IL1RAPL1: variants seen among roughly 807,000 people sequenced by gnomAD.
IL1RAPL1 encodes interleukin-1 receptor accessory protein-like 1.
IL1RAPL1 carries 3 observed loss-of-function variants against 48.4 expected under a neutral mutation model. The observed-to-expected ratio is 0.06, with a 90% confidence interval of 0.03 to 0.16. IL1RAPL1 has a LOEUF of 0.16. Ranked by LOEUF, IL1RAPL1 falls within the 10% of genes least tolerant of loss-of-function variation. The pLI is 1.00. For missense variants in IL1RAPL1, 349 were observed against 530.6 expected, an observed-to-expected ratio of 0.66 and a Z score of 3.36; for synonymous variants, 185 against 187.7, an observed-to-expected ratio of 0.99 and a Z score of 0.12.
intron 2 of IL1RAPL1, among the ~76,000 whole-genome samples, chrX:29,273,427 T>C (rs940500317): frequency 6.9e-4 from 77 of 111,672 alleles, no homozygotes; most frequent in African/African-American, 2.5e-3. Context: ...TCCTGGACTG[T>C]GTGTTCTAAC....
chrX:28,726,885 T>A (rs1217984332), intron 1 of IL1RAPL1, among the ~76,000 whole-genome samples: 1 of 111,806 alleles, frequency 8.9e-6, no homozygotes, highest in Non-Finnish European at 1.9e-5. Context: ...TTTAGATACA[T>A]TGCAGAAACA....
At chrX:29,401,060 A>G (rs1933987137) in intron 5 of IL1RAPL1, among the ~76,000 whole-genome samples, 1 of 111,601 alleles carries the variant, frequency 9.0e-6, no homozygotes, top group Non-Finnish European at 1.9e-5. Context: ...CTTGTGTAAG[A>G]CTATTTTATA....
At chrX:28,681,733 T>A (rs1018719114) in intron 1 of IL1RAPL1, among the ~76,000 whole-genome samples, 10 of 112,211 alleles carry the variant, frequency 8.9e-5, no homozygotes, top group African/African-American at 3.2e-4. Context: ...TTGGCAGTCA[T>A]TTAAGAATGT....
intron 5 of IL1RAPL1, among the ~76,000 whole-genome samples, chrX:29,457,714 A>G (rs1251132369): frequency 3.6e-5 from 4 of 111,460 alleles, no homozygotes; most frequent in Non-Finnish European, 5.7e-5. Context: ...TTTCTTTTGG[A>G]TATATATTTA....
chrX:28,645,022 G>A (rs1210919777), intron 1 of IL1RAPL1, among the ~76,000 whole-genome samples: 1 of 110,520 alleles, frequency 9.0e-6, no homozygotes, highest in Admixed American at 9.7e-5. Context: ...TTTGAGGGTG[G>A]CATAATCTCT....
chrX:29,878,318 G>C (rs1017092594), intron 6 of IL1RAPL1, among the ~76,000 whole-genome samples: 2 of 111,876 alleles, frequency 1.8e-5, no homozygotes, highest in African/African-American at 6.5e-5. Flanking sequence ...CAACTCAGGG[G>C]ACTCTCCTTC....
chrX:29,622,085 G>A (rs899131357), intron 5 of IL1RAPL1, among the ~76,000 whole-genome samples: 7 of 112,093 alleles, frequency 6.2e-5, no homozygotes, highest in African/African-American at 1.9e-4. Context: ...TGCAAAAGAC[G>A]GATTTCATTT....
intron 5 of IL1RAPL1, among the ~76,000 whole-genome samples, chrX:29,611,093 C>T (rs890025562): frequency 6.2e-5 from 7 of 112,339 alleles, no homozygotes; most frequent in African/African-American, 2.3e-4. Context: ...CTTGAAATTG[C>T]CCTGCAAAGT....
rs57560936 is a variant in IL1RAPL1, at chrX:29,829,155, T to TACACACACAC, written c.779-88261_779-88252dup. ...GAGCCAGGAACCATGGACAAAAACC[T>TACACACACAC]ACACACACACACACACACACACACA... On this transcript the variant is annotated intron_variant, in intron 6 of 10. Coordinates refer to ENST00000378993, the MANE Select transcript of IL1RAPL1 (RefSeq NM_014271.4). Among the ~76,000 whole-genome samples, 29 of 61,884 alleles carry TACACACACAC rather than the reference T, an allele frequency of 4.7e-4. 1 individual carries two copies. The highest frequency in any genetic ancestry group is 1.6e-3 in the African/African-American group (27 of 16,988). The allele number at this position is 61,884 out of a possible 115,157, so 53.7% of individuals were successfully genotyped here. A position where few individuals can be genotyped will look rare whatever the true frequency, so the allele number is the denominator to read the frequency against.
intron 3 of IL1RAPL1, among the ~76,000 whole-genome samples, chrX:29,375,774 T>G (rs921031178): frequency 6.2e-5 from 7 of 112,500 alleles, no homozygotes; most frequent in Non-Finnish European, 1.1e-4. Context: ...AATCTCTTCT[T>G]GATTCAGTCT....
At chrX:28,869,637 A>G (rs1419490545) in intron 2 of IL1RAPL1, among the ~76,000 whole-genome samples, 1 of 112,172 alleles carries the variant, frequency 8.9e-6, no homozygotes, top group African/African-American at 3.2e-5. Flanking sequence ...CATAAAATTG[A>G]CCACTTTAAA....
At chrX:29,272,189 A>G (rs1932051442) in intron 2 of IL1RAPL1, among the ~76,000 whole-genome samples, 1 of 111,235 alleles carries the variant, frequency 9.0e-6, no homozygotes, top group Non-Finnish European at 1.9e-5. Context: ...GGTTTTGTCA[A>G]CTTTCTCAAA....
At chrX:28,754,136 GACCTCCTCCTTTGCTCATC>G (rs1329578572) in intron 1 of IL1RAPL1, among the ~76,000 whole-genome samples, 26 of 110,636 alleles carry the variant, frequency 2.4e-4, no homozygotes, top group Non-Finnish European at 4.3e-4. Context: ...ATTCTTGTAT[GACCTCCTCCTTTGCTCATC>G]ACCTTGGGTC....
intron 3 of IL1RAPL1, among the ~76,000 whole-genome samples, chrX:29,287,447 G>A (rs1038347774): frequency 8.9e-6 from 1 of 112,424 alleles, no homozygotes; most frequent in Admixed American, 9.4e-5. Context: ...ATGCGCAAGA[G>A]TGAACATGGA....
chrX:29,547,981 A>T (rs923999117), intron 5 of IL1RAPL1, among the ~76,000 whole-genome samples: 1 of 112,584 alleles, frequency 8.9e-6, no homozygotes. Flanking sequence ...CAGGATAAAA[A>T]ATAGAACATT....
At chrX:29,008,855 T>G (rs1306023605) in intron 2 of IL1RAPL1, among the ~76,000 whole-genome samples, 1 of 111,127 alleles carries the variant, frequency 9.0e-6, no homozygotes, top group African/African-American at 3.3e-5. Flanking sequence ...CAGTTTCTAT[T>G]CTTTCCATCT....
At chrX:29,799,688 T>C (rs796076238) in intron 6 of IL1RAPL1, among the ~76,000 whole-genome samples, 1 of 112,449 alleles carries the variant, frequency 8.9e-6, no homozygotes, top group South Asian at 3.6e-4. Context: ...ACGTGGCTAG[T>C]GGCTACCATA....
At chrX:29,408,937 A>G (rs1602221272) in intron 5 of IL1RAPL1, among the ~76,000 whole-genome samples, 1 of 112,314 alleles carries the variant, frequency 8.9e-6, no homozygotes, top group East Asian at 2.8e-4. Context: ...AGAGATTTAT[A>G]TTTTAAGTGC....
At chrX:28,939,659 C>T (rs1924115571) in intron 2 of IL1RAPL1, among the ~76,000 whole-genome samples, 1 of 111,239 alleles carries the variant, frequency 9.0e-6, no homozygotes, top group Non-Finnish European at 1.9e-5. Context: ...ATAAACTCCA[C>T]ATGTACCCCT....
Sources: gnomAD v4.1 joint callset for allele counts (sites outside exome capture counted in the v4.1 genomes callset) on GRCh38, gnomAD v4.1.1 for gene constraint, MANE v1.5 for transcripts, NCBI Gene and HGNC (gene_info 2026-07-23, HGNC 2026-07-21) for gene names.